Variants in ZNF695 observed in about 807,000 individuals in gnomAD.
ZNF695 encodes the protein zinc finger protein 695.
In ZNF695, 11 loss-of-function variants were observed where a neutral mutation model predicts 11.2. The ratio of observed to expected loss-of-function variants is 0.98; its 90% CI spans 0.62 to 1.62. The LOEUF is 1.62. Among genes scored for constraint, ZNF695 ranks in the 40% most tolerant of loss-of-function variants. ZNF695 has a pLI of 0.00. For missense variants in ZNF695, 559 were observed against 590.5 expected, an observed-to-expected ratio of 0.95 and a Z score of 0.55; for synonymous variants, 190 against 201.4, an observed-to-expected ratio of 0.94 and a Z score of 0.48.
intron 4 of ZNF695, among the ~76,000 whole-genome samples, chr1:246,975,959 G>A (rs1215907620): frequency 6.6e-6 from 1 of 152,152 alleles, no homozygotes; most frequent in African/African-American, 2.4e-5. Context: ...TAGGCAGGAG[G>A]GAAGGAGGAA....
chr1:247,007,593 C>T (rs1669577950), intron 1 of ZNF695, among the ~76,000 whole-genome samples: 1 of 152,090 alleles, frequency 6.6e-6, no homozygotes, highest in African/African-American at 2.4e-5. Context: ...CCCGACAACC[C>T]CTCCGTCATC....
Position 247,008,038 on chromosome 1 carries a change from C to G in ZNF695, c.-130G>C, listed in dbSNP as rs535097081. 9.2e-7 allele frequency: 1 copy of G among 1,091,442 alleles called. No homozygotes were observed. The highest frequency in any genetic ancestry group is 3.0e-5 in the South Asian group (1 of 32,950). 67.6% of individuals were successfully genotyped at this position (1,091,442 alleles called of 1,614,324 possible). ...CAGCAGACGGGAACCCAGCACCCCG[C>G]CGGCCGCAAGGAGACAAAGGCCCCG... On this transcript the variant is annotated 5_prime_UTR_variant, in exon 1 of 4. Transcript: ENST00000339986.
chr1:247,005,092 A>AT lies in ZNF695; in HGVS notation c.3+2813dup, dbSNP rs546222636. ...GAGAAATAGAAAAACTAAGCCTAAAATTTTTTTGGAACCACAAAAGACTAA... is the reference window on the plus strand; with the variant it reads ...GAGAAATAGAAAAACTAAGCCTAAAATTTTTTTTGGAACCACAAAAGACTAA... On this transcript the variant is annotated intron_variant, in intron 1 of 3. Transcript: ENST00000339986. Among the ~76,000 whole-genome samples the AT allele has an allele frequency of 3.3e-4, 51 of 152,252 alleles. No homozygotes were observed. The East Asian group carries it at 6.9e-3, about 21-fold the overall frequency.
intron 4 of ZNF695, among the ~76,000 whole-genome samples, chr1:246,978,664 T>C (rs2103017188): frequency 6.6e-6 from 1 of 152,350 alleles, no homozygotes; most frequent in Non-Finnish European, 1.5e-5. Flanking sequence ...ATTCCTAGTA[T>C]GACTATGTTA....
chr1:246,993,244 T>C (rs138225120), intron 3 of ZNF695, among the ~76,000 whole-genome samples: 3,681 of 152,088 alleles, frequency 0.024, 56 homozygotes, highest in African/African-American at 0.03. Context: ...ACATCTCTAC[T>C]AAAAATACAA....
chr1:246,970,939 G>A (rs1381699038), intron 4 of ZNF695, among the ~76,000 whole-genome samples: 1 of 152,180 alleles, frequency 6.6e-6, no homozygotes. Context: ...GCCCTATTGG[G>A]TCTGTGGGTT....
At chr1:246,959,310 A>AT (rs1276347180) in intron 5 of ZNF695, among the ~76,000 whole-genome samples, 2 of 51,252 alleles carry the variant, frequency 3.9e-5, no homozygotes, top group Non-Finnish European at 3.2e-5. Context: ...AAAAAAAAAA[A>AT]ATATATATAT....
chr1:246,963,581 C>T (rs1668216065), intron 5 of ZNF695, among the ~76,000 whole-genome samples: 1 of 152,144 alleles, frequency 6.6e-6, no homozygotes, highest in Admixed American at 6.5e-5. Context: ...GGAGAATAAT[C>T]CGGCAGGGAA....
In ZNF695 at chr1:246,971,229, T is replaced by C. The variant is rs377559179; in HGVS notation, c.391-3437A>G. 1.4e-4 allele frequency among the ~76,000 whole-genome samples: 22 copies of C among 152,298 alleles called. 1 individual carries two copies. In the South Asian group the frequency reaches 4.1e-3, roughly 29 times the overall value. On this transcript the variant is annotated intron_variant, in intron 4 of 5. Transcript: ENST00000487338. Reference sequence around the variant, plus strand: ...AGCCCAGGCAGAGAGAGAGGGCAGCTTACATCATTATTTCTTCTGTGCATT... The same window carrying C: ...AGCCCAGGCAGAGAGAGAGGGCAGCCTACATCATTATTTCTTCTGTGCATT...
At chr1:246,955,925 GGGAGCCAGATGA>G (rs1179555443) in intron 5 of ZNF695, among the ~76,000 whole-genome samples, 1 of 151,904 alleles carries the variant, frequency 6.6e-6, no homozygotes, top group Non-Finnish European at 1.5e-5. Flanking sequence ...ACGGAGGCAC[GGGAGCCAGATGA>G]GGACATTAAC....
Position 246,987,210 on chromosome 1 carries a change from G to A in ZNF695, c.1305C>T (p.Pro435=). ...CTTTGCCACATTCATCACATTTGTA[G>A]GGTTTCTCTCCAGTATGAATTCTCT... ...QHKRIHTGEK[P]YKCDECGKAF... The change falls in exon 4 of 4, where the codon CCC becomes CCT. Residue 435 remains proline (P), a synonymous_variant. Transcript: ENST00000339986. The A allele has an allele frequency of 6.2e-7, 1 of 1,613,684 alleles. No individual in the cohort carries two copies. Among genetic ancestry groups the A allele is most frequent in the South Asian group, 1.1e-5 (1 of 91,072 alleles).
intron 4 of ZNF695, among the ~76,000 whole-genome samples, chr1:246,979,647 C>T (rs1668653733): frequency 6.6e-6 from 1 of 152,126 alleles, no homozygotes; most frequent in African/African-American, 2.4e-5. Context: ...CCAAATCTAA[C>T]CATATTTCTT....
chr1:246,984,136 A>G (rs187302141), downstream of ZNF695, among the ~76,000 whole-genome samples: 85 of 129,274 alleles, frequency 6.6e-4, 1 homozygote, highest in East Asian at 0.016. Context: ...TGGGTGACAC[A>G]GTGAGACCAT....
chr1:246,958,066 GT>G (rs1177200266), intron 5 of ZNF695, among the ~76,000 whole-genome samples: 30 of 145,880 alleles, frequency 2.1e-4, no homozygotes, highest in African/African-American at 6.8e-4. Flanking sequence ...TTTTGTTTTT[GT>G]TTTTTTTTTG....
chr1:246,973,305 T>G (rs1055733231), intron 4 of ZNF695, among the ~76,000 whole-genome samples: 3 of 152,138 alleles, frequency 2.0e-5, no homozygotes, highest in Non-Finnish European at 2.9e-5. Flanking sequence ...CGCCTCAACC[T>G]CCCAAAGTGT....
chr1:246,948,349 C>T (rs554777865), intron 5 of ZNF695, among the ~76,000 whole-genome samples: 1 of 152,288 alleles, frequency 6.6e-6, no homozygotes, highest in African/African-American at 2.4e-5. Flanking sequence ...GCTGGGATTA[C>T]AGGTGTGAGC....
At chr1:247,001,005 CA>C (rs1460256110) in intron 1 of ZNF695, among the ~76,000 whole-genome samples, 1 of 152,124 alleles carries the variant, frequency 6.6e-6, no homozygotes, top group Non-Finnish European at 1.5e-5. Context: ...CCAGCCTAGG[CA>C]AAATAGTGAG....
chr1:246,989,653 T>C (rs1274342263), intron 3 of ZNF695, among the ~76,000 whole-genome samples: 2 of 152,166 alleles, frequency 1.3e-5, no homozygotes, highest in African/African-American at 2.4e-5. Context: ...ATGGAGTAAA[T>C]TATCCATTCA....
In ZNF695 at chr1:246,985,372, G is replaced by T; in HGVS notation, c.*1595C>A. ...TTATTATAGCCTTAATAATGACACT[G>T]TCATTACAAAAAGAGCAAACAGAAT... is the stretch of plus-strand genomic sequence containing the variant. On this transcript the variant is annotated 3_prime_UTR_variant, in exon 4 of 4. Transcript: ENST00000339986. The T allele has an allele frequency of 2.0e-6, 2 of 984,942 alleles. No homozygotes were observed. Among genetic ancestry groups the T allele is most frequent in the Non-Finnish European group, 2.4e-6 (2 of 829,570 alleles). 61.0% of individuals were successfully genotyped at this position (984,942 alleles called of 1,614,324 possible). A position where few individuals can be genotyped will look rare whatever the true frequency, so the allele number is the denominator to read the frequency against.
Sources: allele counts gnomAD v4.1 joint callset (sites outside exome capture counted in the v4.1 genomes callset), GRCh38; gene constraint gnomAD v4.1.1; transcripts MANE v1.5; gene names NCBI Gene and HGNC (gene_info 2026-07-23, HGNC 2026-07-21).